DGKZ: variants seen among roughly 807,000 people sequenced by gnomAD.
The protein encoded by DGKZ is DAG kinase zeta.
DGKZ carries 45 observed loss-of-function variants against 142.5 expected under a neutral mutation model. The observed-to-expected ratio is 0.32, with a 90% CI of 0.25 to 0.40. The LOEUF (loss-of-function observed/expected upper bound fraction) is 0.40, where lower values mean the gene tolerates loss of function less well. DGKZ is among the 10% of genes least tolerant of loss of function. The pLI, the probability that DGKZ is intolerant of heterozygous loss-of-function variation, is 1.00. For synonymous variants in DGKZ, 442 were observed against 527.0 expected (o/e 0.84, Z 2.21); for missense variants, 755 against 1,306.5 (o/e 0.58, Z 6.51).
exon 1 of DGKZ, chr11:46,332,935 C>G (rs1369039293): frequency 1.3e-5 from 3 of 223,864 alleles, no homozygotes; most frequent in African/African-American, 6.8e-5. Context: ...CACTCGGGTG[C>G]GCGGCAGCAG....
chr11:46,367,725 A>G lies in DGKZ; in HGVS notation c.344A>G (p.Gln115Arg). 1.2e-6 allele frequency: 2 copies of G among 1,613,230 alleles called. No individual in the cohort carries two copies. Among genetic ancestry groups the G allele is most frequent in the Non-Finnish European group, 1.7e-6 (2 of 1,179,954 alleles). The change falls in exon 3 of 31, where the codon CAG (glutamine) becomes CGG (arginine). Residue 115 changes from glutamine (Q) to arginine (R), a missense_variant. Coordinates refer to ENST00000527911, the Ensembl canonical transcript of DGKZ. The surrounding 1 kb of genome is among the most constrained non-coding windows in gnomAD (Gnocchi z 4.1). ...GGGGACTTCTGCTACGTTGGGGAGC[A>G]GTACTGTGTAGCCAGGATGCTGGTG...
At chr11:46,353,547 G>A (rs887557236) in intron 1 of DGKZ, among the ~76,000 whole-genome samples, 4 of 152,194 alleles carry the variant, frequency 2.6e-5, no homozygotes, top group African/African-American at 4.8e-5. Context: ...TGTGGCGTCC[G>A]GGCTGGGTCT....
chr11:46,367,642 C>T lies in DGKZ; in HGVS notation c.271-10C>T. 6.3e-7 allele frequency: 1 copy of T among 1,591,816 alleles called. No homozygotes were observed. The highest frequency in any genetic ancestry group is 8.6e-7 in the Non-Finnish European group (1 of 1,166,302). On this transcript the variant is annotated splice_polypyrimidine_tract_variant and intron_variant, in intron 2 of 30. Coordinates refer to ENST00000527911, the Ensembl canonical transcript of DGKZ. This position sits in a 1 kb window ranked among gnomAD's most constrained non-coding sequence, Gnocchi z 4.1. Reference sequence around the variant, plus strand: ...CCAGCGTGTGCTGAGCAAGCCCATCCCGTGGCTAGGAGTCAGCGACATATG... The same window carrying T: ...CCAGCGTGTGCTGAGCAAGCCCATCTCGTGGCTAGGAGTCAGCGACATATG...
intron 1 of DGKZ, among the ~76,000 whole-genome samples, chr11:46,363,951 C>G (rs1052880160): frequency 1.4e-4 from 21 of 152,220 alleles, no homozygotes. Context: ...ATGTTACTGG[C>G]CCTCTTGAAG....
At position 46,349,626 on chromosome 11, in the gene DGKZ, C is replaced by A. The variant is rs143572402; in HGVS notation, c.161+1806C>A. On this transcript the variant is annotated intron_variant, in intron 1 of 30. Transcript: ENST00000527911. ...GCATTGCCCAGCCTGGTCTTGAATT[C>A]CTGACCTCAAGCAGTCCTCCCACCT... is the stretch of plus-strand genomic sequence containing the variant. Among the ~76,000 whole-genome samples the A allele has an allele frequency of 6.1e-3, 936 of 152,240 alleles. 8 individuals carry two copies. Among genetic ancestry groups the A allele is most frequent in the Non-Finnish European group, 9.8e-3 (667 of 68,024 alleles).
intron 1 of DGKZ, among the ~76,000 whole-genome samples, chr11:46,359,329 C>T (rs1161014275): frequency 6.6e-6 from 1 of 151,710 alleles, no homozygotes; most frequent in Non-Finnish European, 1.5e-5. Context: ...CCTGTAATCC[C>T]AGCTAGTCAG....
intron 1 of DGKZ, chr11:46,366,878 A>G: frequency 1.3e-6 from 2 of 1,546,706 alleles, no homozygotes; most frequent in Non-Finnish European, 1.7e-6. Flanking sequence ...CTCAGGCACC[A>G]CCGCCGGCAC....
At chr11:46,342,220 C>T (rs572686038) in intron 1 of DGKZ, among the ~76,000 whole-genome samples, 1 of 152,244 alleles carries the variant, frequency 6.6e-6, no homozygotes, top group South Asian at 2.1e-4. Flanking sequence ...TAGGAACTGC[C>T]AAGGGCATCC....
At chr11:46,357,690 C>G (rs565573969) in intron 1 of DGKZ, among the ~76,000 whole-genome samples, 2 of 152,222 alleles carry the variant, frequency 1.3e-5, no homozygotes, top group Non-Finnish European at 2.9e-5. Flanking sequence ...CAGGAGCTCG[C>G]GGTCTGGTGG....
At chr11:46,349,653 G>A (rs117857169) in intron 1 of DGKZ, among the ~76,000 whole-genome samples, 2,457 of 152,170 alleles carry the variant, frequency 0.016, 22 homozygotes, top group Non-Finnish European at 0.022. Flanking sequence ...CTCCCACCTC[G>A]GACTCCCAAA....
chr11:46,360,614 C>T (rs955168523), intron 1 of DGKZ, among the ~76,000 whole-genome samples: 3 of 151,984 alleles, frequency 2.0e-5, no homozygotes, highest in East Asian at 1.9e-4. Context: ...GGTGAAACCC[C>T]GTCTCTACTA....
intron 1 of DGKZ, among the ~76,000 whole-genome samples, chr11:46,334,953 G>A (rs1042224989): frequency 2.6e-5 from 4 of 152,150 alleles, no homozygotes; most frequent in African/African-American, 9.7e-5. Context: ...CTCCCTGGGC[G>A]TCAGTTCTTT....
intron 4 of DGKZ, chr11:46,368,990 T>A (rs1426189752): frequency 1.0e-5 from 2 of 197,538 alleles, no homozygotes; most frequent in Non-Finnish European, 2.1e-5. Context: ...TGGATCACCC[T>A]GAGGTCAGGA....
chr11:46,347,177 G>A (rs1009572040), upstream of DGKZ, among the ~76,000 whole-genome samples: 1 of 152,156 alleles, frequency 6.6e-6, no homozygotes, highest in Non-Finnish European at 1.5e-5. This position sits in a 1 kb window ranked among gnomAD's most constrained non-coding sequence, Gnocchi z 6.4. Flanking sequence ...GGTAGCGGAG[G>A]GATCGGGGGA....
chr11:46,338,730 G>A (rs955772608), intron 1 of DGKZ: 4 of 151,952 alleles, frequency 2.6e-5, no homozygotes, highest in African/African-American at 9.7e-5. Context: ...AGAGAGACCT[G>A]GGCTCCAATT....
At position 46,372,416 on chromosome 11, in the gene DGKZ, C is replaced by T. The variant is rs746684823; in HGVS notation, c.928-12C>T. 3 of 1,613,870 alleles carry T rather than the reference C, an allele frequency of 1.9e-6. No homozygotes were observed. Among genetic ancestry groups the T allele is most frequent in the Non-Finnish European group, 2.5e-6 (3 of 1,179,878 alleles). ...ACTGCCTGACTGTCTCTTGGCTCCC[C>T]ATCCCATCCAGGGTGCAAAGATCAT... On this transcript the variant is annotated splice_polypyrimidine_tract_variant and intron_variant, in intron 10 of 30. Coordinates refer to ENST00000527911, the Ensembl canonical transcript of DGKZ. The surrounding 1 kb of genome is among the most constrained non-coding windows in gnomAD (Gnocchi z 5.9).
At chr11:46,379,282 C>T (rs751723393) in intron 29 of DGKZ, 46 bp downstream of exon 29, 2 of 1,610,336 alleles carry the variant, frequency 1.2e-6, no homozygotes, top group Non-Finnish European at 1.7e-6. Context: ...CGGAAACCAC[C>T]CTTTTCCCCA....
At chr11:46,340,240 T>C (rs931363961) in intron 1 of DGKZ, among the ~76,000 whole-genome samples, 1 of 152,194 alleles carries the variant, frequency 6.6e-6, no homozygotes, top group African/African-American at 2.4e-5. Flanking sequence ...AGTGTACATA[T>C]CTCTGGGTGT....
chr11:46,379,550 C>T (rs776123878), exon 30 of DGKZ: 2 of 1,609,988 alleles, frequency 1.2e-6, no homozygotes, highest in Non-Finnish European at 1.7e-6. Context: ...GGGCCTCGCT[C>T]ATGAAGACAG....
Sources: allele counts gnomAD v4.1 joint callset (sites outside exome capture counted in the v4.1 genomes callset), GRCh38; gene constraint gnomAD v4.1.1; non-coding constraint Gnocchi (gnomAD v3.1); transcripts MANE v1.5; gene names NCBI Gene and HGNC (gene_info 2026-07-23, HGNC 2026-07-21).